TCAIM: variants seen among roughly 807,000 people sequenced by gnomAD.
TCAIM encodes the protein T-cell activation inhibitor, mitochondrial.
TCAIM carries 36 observed loss-of-function variants against 58.6 expected under a neutral mutation model. The observed-to-expected ratio is 0.61, with a 90% CI of 0.47 to 0.81. The LOEUF (loss-of-function observed/expected upper bound fraction) is 0.81. Ranked by LOEUF, TCAIM falls within the 30% of genes least tolerant of loss-of-function variation. The pLI is 0.00. For synonymous variants in TCAIM, 172 were observed against 193.6 expected (o/e 0.89, Z 0.93); for missense variants, 466 against 579.6 (o/e 0.80, Z 2.01).
chr3:44,385,363 A>G (rs548446308), intron 5 of TCAIM, among the ~76,000 whole-genome samples: 1 of 152,320 alleles, frequency 6.6e-6, no homozygotes, highest in Non-Finnish European at 1.5e-5. Context: ...TTTTACCCTA[A>G]AAAATAGATC....
At chr3:44,364,352 T>C (rs1384624927) in intron 4 of TCAIM, among the ~76,000 whole-genome samples, 1 of 151,722 alleles carries the variant, frequency 6.6e-6, no homozygotes, top group African/African-American at 2.4e-5. Flanking sequence ...TTTTACAAAT[T>C]AAAAATAAAC....
At chr3:44,395,492 A>G (rs1231047077) in intron 6 of TCAIM, among the ~76,000 whole-genome samples, 1 of 152,220 alleles carries the variant, frequency 6.6e-6, no homozygotes, top group Non-Finnish European at 1.5e-5. Context: ...GTTCAAGGTC[A>G]CAGAGCTAGT....
At chr3:44,393,386 A>G (rs1008288711) in intron 6 of TCAIM, among the ~76,000 whole-genome samples, 9 of 152,156 alleles carry the variant, frequency 5.9e-5, no homozygotes, top group Non-Finnish European at 1.0e-4. Flanking sequence ...ACTTAAGCCC[A>G]GGAGCTTGAG....
chr3:44,396,447 G>T lies in TCAIM; in HGVS notation c.743G>T (p.Ser248Ile). 6.2e-7 allele frequency: 1 copy of T among 1,613,890 alleles called. No homozygotes were observed. Among genetic ancestry groups the T allele is most frequent in the Non-Finnish European group, 8.5e-7 (1 of 1,179,992 alleles). The change falls in exon 7 of 11, where the codon AGT becomes ATT. Residue 248 changes from serine to isoleucine, a missense_variant. Coordinates refer to ENST00000342649, the MANE Select transcript of TCAIM (RefSeq NM_173826.4). ...GCCCACCGCTGTAGCCAGCTGCATAGTTTAAGCCGCTTAGCACAGCAGAAT... is the reference window on the plus strand; with the variant it reads ...GCCCACCGCTGTAGCCAGCTGCATATTTTAAGCCGCTTAGCACAGCAGAAT... ...GIAHRCSQLH[S>I]LSRLAQQNLE...
At chr3:44,345,600 T>C (rs982197235) in intron 1 of TCAIM, among the ~76,000 whole-genome samples, 1 of 152,074 alleles carries the variant, frequency 6.6e-6, no homozygotes, top group Admixed American at 6.5e-5. Flanking sequence ...AAGCCAGCAA[T>C]TGTTTGTTAA....
chr3:44,369,921 C>T (rs149577248), intron 5 of TCAIM, among the ~76,000 whole-genome samples: 6 of 152,184 alleles, frequency 3.9e-5, no homozygotes, highest in African/African-American at 9.6e-5. Context: ...ACATACATAG[C>T]GTAGCAATAG....
chr3:44,352,797 A>G (rs1486313943), intron 1 of TCAIM, among the ~76,000 whole-genome samples: 1 of 151,692 alleles, frequency 6.6e-6, no homozygotes, highest in Non-Finnish European at 1.5e-5. Context: ...ATCCCTCCCT[A>G]TCGATTAACC....
At chr3:44,357,604 T>A in intron 2 of TCAIM, 137 bp from the exon 3 acceptor site, 1 of 1,154,144 alleles carries the variant, frequency 8.7e-7, no homozygotes, top group African/African-American at 1.6e-5. Context: ...GTAAAACTAA[T>A]AGATTTCAGA....
chr3:44,383,407 C>T (rs1183070906), intron 5 of TCAIM, among the ~76,000 whole-genome samples: 1 of 152,068 alleles, frequency 6.6e-6, no homozygotes, highest in Non-Finnish European at 1.5e-5. Flanking sequence ...AACACATGAA[C>T]CTTGAGGACA....
chr3:44,365,258 A>C (rs1335037196), intron 4 of TCAIM, among the ~76,000 whole-genome samples: 1 of 152,080 alleles, frequency 6.6e-6, no homozygotes, highest in Non-Finnish European at 1.5e-5. Flanking sequence ...TCTGGATCTC[A>C]TAAGTTGGTG....
intron 5 of TCAIM, among the ~76,000 whole-genome samples, chr3:44,373,878 C>T (rs2125641713): frequency 6.6e-6 from 1 of 152,228 alleles, no homozygotes; most frequent in East Asian, 1.9e-4. Flanking sequence ...CTAACCAGAT[C>T]CATTTTATAT....
chr3:44,345,156 G>A (rs566392444), intron 1 of TCAIM, among the ~76,000 whole-genome samples: 11 of 152,248 alleles, frequency 7.2e-5, no homozygotes, highest in Admixed American at 2.0e-4. Flanking sequence ...GGATTGGGGC[G>A]GCGTGGGAAC....
chr3:44,388,108 T>C (rs918235804), intron 5 of TCAIM, among the ~76,000 whole-genome samples: 1 of 151,948 alleles, frequency 6.6e-6, no homozygotes, highest in Non-Finnish European at 1.5e-5. Flanking sequence ...GCAGCCACAA[T>C]GTCCCTTTAC....
chr3:44,391,318 A>G (rs1701832704), intron 5 of TCAIM: 1 of 152,336 alleles, frequency 6.6e-6, no homozygotes, highest in South Asian at 2.1e-4. Context: ...TCTCCTAAGC[A>G]GCTGGGATTA....
At chr3:44,338,129 A>G (rs1353209801), upstream of TCAIM, 1 of 152,480 alleles carries the variant, frequency 6.6e-6, no homozygotes, top group South Asian at 2.1e-4. Flanking sequence ...CTCCTCCAGC[A>G]GTCCCTTTCC....
chr3:44,405,539 G>A (rs1049048223), intron 10 of TCAIM, among the ~76,000 whole-genome samples: 1 of 152,096 alleles, frequency 6.6e-6, no homozygotes, highest in African/African-American at 2.4e-5. Flanking sequence ...TGGGTGTGGT[G>A]GTTTGCACCT....
rs1327611262 is a variant in TCAIM at position 44,360,079 on chromosome 3, G to GTTTGT, written c.166-1267_166-1263dup. On this transcript the variant is annotated intron_variant, in intron 3 of 10. Transcript: ENST00000342649. ...TCTCCCAGACTACACTATTACTTGT[G>GTTTGT]TTTGTTTTGTTTTGTTTTGTTTTTA... Among the ~76,000 whole-genome samples the GTTTGT allele has an allele frequency of 1.4e-4, 21 of 152,014 alleles. No homozygotes were observed. The East Asian group carries it at 3.3e-3, about 24-fold the overall frequency.
chr3:44,393,288 T>C (rs1701868947), intron 6 of TCAIM, among the ~76,000 whole-genome samples: 1 of 151,574 alleles, frequency 6.6e-6, no homozygotes, highest in Non-Finnish European at 1.5e-5. Flanking sequence ...AGAGACCCCA[T>C]CTCTACAAAA....
chr3:44,358,423 C>T (rs937849069), intron 3 of TCAIM: 1 of 592,718 alleles, frequency 1.7e-6, no homozygotes, highest in Non-Finnish European at 2.9e-6. Context: ...GGTTTTACAT[C>T]CATGGATTCA....
Sources: allele counts gnomAD v4.1 joint callset (sites outside exome capture counted in the v4.1 genomes callset), GRCh38; gene constraint gnomAD v4.1.1; transcripts MANE v1.5; gene names NCBI Gene and HGNC (gene_info 2026-07-23, HGNC 2026-07-21).